ANXA13: variants seen among roughly 807,000 people sequenced by gnomAD.
ANXA13 encodes annexin A13.
Under a neutral mutation model 46.6 loss-of-function variants are expected in ANXA13, and 36 were observed. The observed-to-expected ratio is 0.77, with a 90% CI of 0.59 to 1.02. The LOEUF is 1.02. Among genes scored for constraint, ANXA13 ranks in the 50% least tolerant of loss-of-function variants. The pLI is 0.00. For missense variants in ANXA13, 417 were observed against 396.5 expected (o/e 1.05, Z -0.44); for synonymous variants, 163 against 152.9 (o/e 1.07, Z -0.49).
chr8:123,683,586 T>C (rs1352123998), intron 10 of ANXA13, among the ~76,000 whole-genome samples: 1 of 14,818 alleles, frequency 6.7e-5, no homozygotes, highest in Non-Finnish European at 2.2e-4. Flanking sequence ...GCTGTGACCT[T>C]TTTTTTTTTT....
At chr8:123,723,451 G>A (rs745360474) in intron 1 of ANXA13, among the ~76,000 whole-genome samples, 1 of 152,194 alleles carries the variant, frequency 6.6e-6, no homozygotes, top group Non-Finnish European at 1.5e-5. Flanking sequence ...CCTGGAATGT[G>A]GGTCTTTAAG....
At chr8:123,709,587 C>T (rs938166275) in intron 2 of ANXA13, among the ~76,000 whole-genome samples, 2 of 152,136 alleles carry the variant, frequency 1.3e-5, no homozygotes, top group African/African-American at 4.8e-5. Context: ...ATATAAATAA[C>T]TCCCACATGC....
chr8:123,686,459 T>C (rs546787164), intron 9 of ANXA13, among the ~76,000 whole-genome samples: 7 of 124,920 alleles, frequency 5.6e-5, no homozygotes, highest in Non-Finnish European at 1.2e-4. Context: ...AACTGTGTCT[T>C]AAAAAAAAAA....
At chr8:123,688,671 C>G (rs1813181072) in intron 9 of ANXA13, among the ~76,000 whole-genome samples, 200 bp downstream of exon 9, 1 of 152,152 alleles carries the variant, frequency 6.6e-6, no homozygotes, top group African/African-American at 2.4e-5. Flanking sequence ...CCTTGGACAT[C>G]TCAGCTTCCA....
At chr8:123,735,478 T>A (rs565394722) in intron 1 of ANXA13, among the ~76,000 whole-genome samples, 1 of 152,370 alleles carries the variant, frequency 6.6e-6, no homozygotes, top group South Asian at 2.1e-4. Flanking sequence ...AATGTCATAG[T>A]GGTCCTGGTG....
intron 10 of ANXA13, among the ~76,000 whole-genome samples, chr8:123,682,910 G>A (rs1813064687): frequency 1.3e-5 from 2 of 152,176 alleles, no homozygotes; most frequent in Non-Finnish European, 1.5e-5. Context: ...AAAACACTCC[G>A]TGGGCCATGT....
At chr8:123,718,346 C>T (rs974452146) in intron 1 of ANXA13, among the ~76,000 whole-genome samples, 2 of 152,208 alleles carry the variant, frequency 1.3e-5, no homozygotes, top group African/African-American at 4.8e-5. Context: ...TCACCTGCAG[C>T]TTGGATCTGA....
At chr8:123,697,324 G>C (rs1160934375) in intron 4 of ANXA13, among the ~76,000 whole-genome samples, 3 of 152,318 alleles carry the variant, frequency 2.0e-5, no homozygotes, top group South Asian at 4.1e-4. Context: ...GATGCTGAGT[G>C]GGGGAAGTTG....
chr8:123,707,612 G>A (rs113087146), intron 2 of ANXA13, among the ~76,000 whole-genome samples: 3,916 of 152,178 alleles, frequency 0.026, 171 homozygotes, highest in African/African-American at 0.086. Context: ...AGCAAACACT[G>A]CATGTTCTCA....
chr8:123,707,301 A>G (rs1388529480), intron 2 of ANXA13, among the ~76,000 whole-genome samples: 1 of 152,232 alleles, frequency 6.6e-6, no homozygotes, highest in Non-Finnish European at 1.5e-5. Context: ...GGGTCTGTGT[A>G]GCAAGGACCA....
intron 2 of ANXA13, chr8:123,712,287 C>T (rs1813674391): frequency 4.9e-6 from 1 of 204,324 alleles, no homozygotes; most frequent in East Asian, 1.2e-4. Context: ...GCTTGTGAGG[C>T]CTCCTCAGCC....
At chr8:123,732,998 C>T (rs1173005846) in intron 1 of ANXA13, among the ~76,000 whole-genome samples, 1 of 151,916 alleles carries the variant, frequency 6.6e-6, no homozygotes, top group Non-Finnish European at 1.5e-5. Flanking sequence ...CATAGGATGA[C>T]CCGTCTTTAA....
At position 123,701,864 on chromosome 8, in the gene ANXA13, C is replaced by T. The variant is rs188387494; in HGVS notation, c.186+778G>A. On this transcript the variant is annotated intron_variant, in intron 3 of 10. Transcript: ENST00000419625. ...TATCCTGACTGATTCTCCCAGCAAC[C>T]TGAGAAGGGAGCTAAGTTATCATCT... is the stretch of plus-strand genomic sequence containing the variant. Among the ~76,000 whole-genome samples the T allele has an allele frequency of 3.4e-4, 51 of 152,168 alleles. No homozygotes were observed. The Middle Eastern group carries it at 0.014, about 41-fold the overall frequency.
intron 1 of ANXA13, among the ~76,000 whole-genome samples, chr8:123,719,330 TTTC>T (rs1223361781): frequency 6.6e-6 from 1 of 152,250 alleles, no homozygotes; most frequent in Admixed American, 6.5e-5. Flanking sequence ...TCTTTCTCTT[TTTC>T]TTCTTCTTTC....
intron 8 of ANXA13, among the ~76,000 whole-genome samples, chr8:123,689,667 G>A (rs1813199192): frequency 1.3e-5 from 2 of 152,146 alleles, no homozygotes; most frequent in Admixed American, 6.5e-5. Flanking sequence ...ATTTACAGAA[G>A]CTGAAGTTCA....
At chr8:123,686,690 C>G (rs1355610852) in intron 9 of ANXA13, among the ~76,000 whole-genome samples, 1 of 152,054 alleles carries the variant, frequency 6.6e-6, no homozygotes, top group Admixed American at 6.6e-5. Context: ...CAGGAACCTG[C>G]ATTGTAACAG....
intron 1 of ANXA13, among the ~76,000 whole-genome samples, chr8:123,727,155 A>C (rs1416298715): frequency 6.6e-6 from 1 of 152,242 alleles, no homozygotes; most frequent in East Asian, 1.9e-4. Flanking sequence ...CCACTGAAGA[A>C]CTTACTCATG....
intron 1 of ANXA13, among the ~76,000 whole-genome samples, chr8:123,726,774 T>G (rs1283833744): frequency 6.6e-6 from 1 of 152,214 alleles, no homozygotes; most frequent in East Asian, 1.9e-4. Context: ...AGCAGCACAA[T>G]TTGCGATTGT....
rs571792923 is a variant in ANXA13 at position 123,732,078 on chromosome 8, G to A, written c.15+5242C>T. On this transcript the variant is annotated intron_variant, in intron 1 of 10. Coordinates refer to ENST00000419625, the MANE Select transcript of ANXA13 (RefSeq NM_004306.4). ...TCAACAGTTTCAGAAATCCCAATAG[G>A]TTAATCTTCTATTTGGCGTAAAAAG... Among the ~76,000 whole-genome samples, 6 of 152,246 alleles carry A rather than the reference G, an allele frequency of 3.9e-5. No homozygotes were observed. In the South Asian group the frequency reaches 1.0e-3, roughly 26 times the overall value.
Sources: gnomAD v4.1 joint callset for allele counts (sites outside exome capture counted in the v4.1 genomes callset) on GRCh38, gnomAD v4.1.1 for gene constraint, MANE v1.5 for transcripts, NCBI Gene and HGNC (gene_info 2026-07-23, HGNC 2026-07-21) for gene names.